LMO3: variants seen among roughly 807,000 people sequenced by gnomAD.
LMO3 encodes LIM domain only 3, also known as LIM domain only protein 3.
In LMO3, 2 loss-of-function variants were observed where a neutral mutation model predicts 15.8. That is an observed-to-expected ratio of 0.13 (90% CI 0.05 to 0.40). LMO3 has a LOEUF of 0.40. Ranked by LOEUF, LMO3 falls within the 10% of genes least tolerant of loss-of-function variation. LMO3 has a pLI of 0.99. For synonymous variants in LMO3, 62 were observed against 63.8 expected (o/e 0.97, Z 0.13); for missense variants, 86 against 182.2 (o/e 0.47, Z 3.04).
chr12:16,589,436 C>T lies in LMO3; in HGVS notation c.206+11219G>A, dbSNP rs1432489139. 6.6e-6 allele frequency: 1 copy of T among 151,622 alleles called. No individual in the cohort carries two copies. The highest frequency in any genetic ancestry group is 2.4e-5 in the African/African-American group (1 of 41,244). The allele number at this position is 151,622 out of a possible 1,614,324, so 9.4% of individuals were successfully genotyped here. A position where few individuals can be genotyped will look rare whatever the true frequency, so the allele number is the denominator to read the frequency against. The stretch of plus-strand genomic sequence containing the variant: ...GTGACTTCACAGTAAAAAATTAGGT[C>T]GTAGTGCAGATGAAAGCCTCCGTAT... On this transcript the variant is annotated intron_variant, in intron 2 of 3. Coordinates refer to ENST00000537304, the MANE Select transcript of LMO3 (RefSeq NM_018640.5). The surrounding 1 kb of genome is among the most constrained non-coding windows in gnomAD (Gnocchi z 4.2).
intron 2 of LMO3, among the ~76,000 whole-genome samples, chr12:16,580,883 A>T (rs574585846): frequency 6.6e-6 from 1 of 152,314 alleles, no homozygotes; most frequent in East Asian, 1.9e-4. Context: ...GACCACTGTT[A>T]ACACCTTATT....
chr12:16,605,796 C>T (rs1356724261), intron 1 of LMO3: 1 of 1,535,508 alleles, frequency 6.5e-7, no homozygotes, highest in African/African-American at 1.4e-5. Flanking sequence ...CAGCCGCTCT[C>T]CCTCCTTCCA....
chr12:16,553,987 T>C (rs756726691), intron 3 of LMO3, among the ~76,000 whole-genome samples: 7 of 152,246 alleles, frequency 4.6e-5, no homozygotes, highest in Middle Eastern at 3.4e-3. Flanking sequence ...TAATTACTTG[T>C]AGTATGCTCA....
chr12:16,569,680 T>A (rs1942742825), intron 2 of LMO3, among the ~76,000 whole-genome samples: 1 of 152,176 alleles, frequency 6.6e-6, no homozygotes, highest in Non-Finnish European at 1.5e-5. Flanking sequence ...ATCTTCGATC[T>A]GAAAAGAATC....
At chr12:16,568,942 A>G (rs1379761127) in intron 2 of LMO3, among the ~76,000 whole-genome samples, 2 of 152,200 alleles carry the variant, frequency 1.3e-5, no homozygotes, top group Non-Finnish European at 2.9e-5. Flanking sequence ...CAGGCCAGAG[A>G]CATTTTTTTC....
rs1157328543 is a variant in LMO3 at position 16,584,604 on chromosome 12, G to C, written c.206+16051C>G. Among the ~76,000 whole-genome samples, 1 of 152,242 alleles carries C rather than the reference G, an allele frequency of 6.6e-6. No individual in the cohort carries two copies. Among genetic ancestry groups the C allele is most frequent in the East Asian group, 1.9e-4 (1 of 5,178 alleles). Reference sequence around the variant, plus strand: ...GAGGAGTGGGGGGGGTAAGAGGCCTGTTTAGAGGTGGATGGCCTCAGATGT... The same window carrying C: ...GAGGAGTGGGGGGGGTAAGAGGCCTCTTTAGAGGTGGATGGCCTCAGATGT... On this transcript the variant is annotated intron_variant, in intron 2 of 3. Transcript: ENST00000537304. The surrounding 1 kb of genome is among the most constrained non-coding windows in gnomAD (Gnocchi z 5.2).
rs1409875400 is a variant in LMO3 at position 16,598,067 on chromosome 12, T to A, written c.206+2588A>T. On this transcript the variant is annotated intron_variant, in intron 2 of 3. Transcript: ENST00000537304. The surrounding 1 kb of genome is among the most constrained non-coding windows in gnomAD (Gnocchi z 4.3). Reference sequence around the variant, plus strand: ...TTTTTGAACAACTATTTGTATCTAATCAAAGAAATTAATTTGTAAATAAAA... The same window carrying A: ...TTTTTGAACAACTATTTGTATCTAAACAAAGAAATTAATTTGTAAATAAAA... 1 of 152,064 alleles carries A rather than the reference T, an allele frequency of 6.6e-6. No individual in the cohort carries two copies. 9.4% of individuals were successfully genotyped at this position (152,064 alleles called of 1,614,324 possible).
At chr12:16,572,762 A>T (rs1278787203) in intron 2 of LMO3, among the ~76,000 whole-genome samples, 2 of 150,094 alleles carry the variant, frequency 1.3e-5, no homozygotes, top group East Asian at 3.9e-4. Flanking sequence ...AATAAACTAA[A>T]TATTTTTGTA....
In LMO3 at chr12:16,584,520, T is replaced by C. The variant is rs1591811461; in HGVS notation, c.206+16135A>G. On this transcript the variant is annotated intron_variant, in intron 2 of 3. Coordinates refer to ENST00000537304, the MANE Select transcript of LMO3 (RefSeq NM_018640.5). This position sits in a 1 kb window ranked among gnomAD's most constrained non-coding sequence, Gnocchi z 5.2. ...TTGAGTGAACGTAACAGCAGAAATA[T>C]ACAGAGAATGAGGAAAGGAATGGAA... Among the ~76,000 whole-genome samples, 3 of 152,136 alleles carry C rather than the reference T, an allele frequency of 2.0e-5. No homozygotes were observed. In the Middle Eastern group the frequency reaches 0.01, roughly 517 times the overall value.
In LMO3 at chr12:16,587,595, T is replaced by C. The variant is rs1485135867; in HGVS notation, c.206+13060A>G. Among the ~76,000 whole-genome samples the C allele has an allele frequency of 6.6e-6, 1 of 152,142 alleles. No individual in the cohort carries two copies. The highest frequency in any genetic ancestry group is 2.4e-5 in the African/African-American group (1 of 41,444). ...ACCCTTGGTGTTAAATTTTCTTAAA[T>C]TGTATTTCTGTCAGTGTATCATTTT... is the stretch of plus-strand genomic sequence containing the variant. On this transcript the variant is annotated intron_variant, in intron 2 of 3. Coordinates refer to ENST00000537304, the MANE Select transcript of LMO3 (RefSeq NM_018640.5). The surrounding 1 kb of genome is among the most constrained non-coding windows in gnomAD (Gnocchi z 4.3).
chr12:16,571,919 C>A (rs997899995), intron 2 of LMO3, among the ~76,000 whole-genome samples: 2 of 151,916 alleles, frequency 1.3e-5, no homozygotes, highest in African/African-American at 4.8e-5. Flanking sequence ...AAAATACATA[C>A]ACATTTTTTA....
In LMO3 at chr12:16,549,456, TAATA is replaced by T. The variant is rs1198428314; in HGVS notation, c.*1762_*1765del. ...ATATCCAGATTCACATGCATGTTCA[TAATA>T]AAGCTTTGTTTTAAAACAAATCCAC... On this transcript the variant is annotated 3_prime_UTR_variant, in exon 4 of 4. Coordinates refer to ENST00000537304, the MANE Select transcript of LMO3 (RefSeq NM_018640.5). 6.6e-6 allele frequency: 1 copy of T among 152,546 alleles called. No individual in the cohort carries two copies. Among genetic ancestry groups the T allele is most frequent in the African/African-American group, 2.4e-5 (1 of 41,420 alleles). 9.4% of individuals were successfully genotyped at this position (152,546 alleles called of 1,614,324 possible). A position where few individuals can be genotyped will look rare whatever the true frequency, so the allele number is the denominator to read the frequency against.
At chr12:16,595,998 A>C (rs926833521) in intron 2 of LMO3, among the ~76,000 whole-genome samples, 2 of 151,654 alleles carry the variant, frequency 1.3e-5, no homozygotes, top group Non-Finnish European at 3.0e-5. Flanking sequence ...TCTGTGCTAT[A>C]AATTGCCAGA....
rs550300841 is a variant in LMO3, at chr12:16,584,576, G to C, written c.206+16079C>G. Among the ~76,000 whole-genome samples, 11 of 151,032 alleles carry C rather than the reference G, an allele frequency of 7.3e-5. No homozygotes were observed. In the South Asian group the frequency reaches 2.1e-3, roughly 29 times the overall value. On this transcript the variant is annotated intron_variant, in intron 2 of 3. Transcript: ENST00000537304. The surrounding 1 kb of genome is among the most constrained non-coding windows in gnomAD (Gnocchi z 5.2). ...AGACGTTTTAGATTAACATTGGCAA[G>C]TGGAGGAGTGGGGGGGGTAAGAGGC...
chr12:16,595,127 C>G (rs1476523193), intron 2 of LMO3, among the ~76,000 whole-genome samples: 1 of 151,180 alleles, frequency 6.6e-6, no homozygotes, highest in Non-Finnish European at 1.5e-5. Context: ...TAAAAACTAT[C>G]CTGACTGAAG....
Position 16,584,587 on chromosome 12 carries a change from G to A in LMO3, c.206+16068C>T, listed in dbSNP as rs570227788. ...ATTAACATTGGCAAGTGGAGGAGTG[G>A]GGGGGGTAAGAGGCCTGTTTAGAGG... On this transcript the variant is annotated intron_variant, in intron 2 of 3. Coordinates refer to ENST00000537304, the MANE Select transcript of LMO3 (RefSeq NM_018640.5). The surrounding 1 kb of genome is among the most constrained non-coding windows in gnomAD (Gnocchi z 5.2). Among the ~76,000 whole-genome samples, 2 of 137,772 alleles carry A rather than the reference G, an allele frequency of 1.5e-5. No homozygotes were observed. The highest frequency in any genetic ancestry group is 3.2e-5 in the African/African-American group (1 of 31,634). 90.4% of individuals were successfully genotyped at this position (137,772 alleles called of 152,430 possible). A position where few individuals can be genotyped will look rare whatever the true frequency, so the allele number is the denominator to read the frequency against.
chr12:16,572,309 C>G (rs541716137), intron 2 of LMO3, among the ~76,000 whole-genome samples: 1 of 138,046 alleles, frequency 7.2e-6, no homozygotes, highest in South Asian at 2.4e-4. Flanking sequence ...CATAAACATT[C>G]TCTATGTTTT....
chr12:16,571,469 GA>G (rs546905898), intron 2 of LMO3, among the ~76,000 whole-genome samples: 8 of 151,918 alleles, frequency 5.3e-5, no homozygotes, highest in African/African-American at 1.9e-4. Flanking sequence ...ACAATCATTT[GA>G]AAAAATATAT....
intron 1 of LMO3, among the ~76,000 whole-genome samples, chr12:16,601,099 A>C (rs1270777240): frequency 6.6e-6 from 1 of 152,186 alleles, no homozygotes; most frequent in Non-Finnish European, 1.5e-5. Context: ...TAATAAATTC[A>C]TGTTGACCAT....
Sources: gnomAD v4.1 joint callset for allele counts (sites outside exome capture counted in the v4.1 genomes callset) on GRCh38, gnomAD v4.1.1 for gene constraint, Gnocchi (gnomAD v3.1) non-coding constraint, MANE v1.5 for transcripts, NCBI Gene and HGNC (gene_info 2026-07-23, HGNC 2026-07-21) for gene names.